The following PADI6 variants were observed in gnomAD, a reference collection of about 807,000 sequenced individuals.
PADI6 encodes inactive protein-arginine deiminase type-6.
Under a neutral mutation model 78.2 loss-of-function variants are expected in PADI6, and 66 were observed. The ratio of observed to expected loss-of-function variants is 0.84; its 90% CI spans 0.69 to 1.04. The LOEUF (loss-of-function observed/expected upper bound fraction) is 1.04. PADI6 is among the 50% of genes least tolerant of loss of function. PADI6 has a pLI of 0.00. For missense variants in PADI6, 854 were observed against 866.1 expected (o/e 0.99, Z 0.18); for synonymous variants, 397 against 346.9 (o/e 1.14, Z -1.60).
In PADI6 at chr1:17,395,193, TTTC is replaced by T. The variant is rs1177023947; in HGVS notation, c.1494+89_1494+91del. 252 of 1,421,164 alleles carry T rather than the reference TTTC, an allele frequency of 1.8e-4. 1 individual carries two copies. The African/African-American group carries it at 4.1e-3, about 23-fold the overall frequency. 88.0% of individuals were successfully genotyped at this position (1,421,164 alleles called of 1,614,324 possible). A position where few individuals can be genotyped will look rare whatever the true frequency, so the allele number is the denominator to read the frequency against. On this transcript the variant is annotated intron_variant, in intron 12 of 15. Coordinates refer to ENST00000619609, the MANE Select transcript of PADI6 (RefSeq NM_207421.4). ...AAGATTCTGGAGAGAAAACTGGCTT[TTTC>T]TTGTTTTTTTTTTTTTTTGTTTGTT...
rs932528252 is a variant in PADI6, at chr1:17,394,461, C to T, written c.1337+7C>T. 7 of 1,611,452 alleles carry T rather than the reference C, an allele frequency of 4.3e-6. No homozygotes were observed. The Admixed American group carries it at 1.0e-4, about 23-fold the overall frequency. ...GCAGCAGCTTTTACCCCAGGTGAGC[C>T]ACAAAGCCAGACGCCTCCAAATGAA... On this transcript the variant is annotated splice_region_variant and intron_variant, in intron 11 of 15. Transcript: ENST00000619609.
Position 17,397,209 on chromosome 1 carries a change from C to T in PADI6, c.1689+68C>T. 5.2e-6 allele frequency: 8 copies of T among 1,552,384 alleles called. 1 individual carries two copies. The South Asian group carries it at 9.1e-5, about 18-fold the overall frequency. ...TGCCGCAGGTCTTGCAGGAAGGTTTCCACCCACCCCTCCTGAGGGGTGAAG... is the reference window on the plus strand; with the variant it reads ...TGCCGCAGGTCTTGCAGGAAGGTTTTCACCCACCCCTCCTGAGGGGTGAAG... On this transcript the variant is annotated intron_variant, in intron 14 of 15. Transcript: ENST00000619609.
chr1:17,388,738 G>GT (rs761472949), intron 7 of PADI6, 39 bp from the exon 8 acceptor site: 1 of 1,587,354 alleles, frequency 6.3e-7, no homozygotes, highest in East Asian at 2.2e-5. Flanking sequence ...GCGAGTAAAT[G>GT]TGGAAGCAGG....
At chr1:17,381,835 TG>T in intron 5 of PADI6, 131 bp from the exon 6 acceptor site, 2 of 1,047,080 alleles carry the variant, frequency 1.9e-6, no homozygotes, top group Admixed American at 2.3e-5. Context: ...TCTTCGGGCC[TG>T]GGCCCTAGCA....
Position 17,373,228 on chromosome 1 carries a change from G to A in PADI6, c.289G>A (p.Asp97Asn). 2.5e-6 allele frequency: 4 copies of A among 1,613,896 alleles called. No individual in the cohort carries two copies. Among genetic ancestry groups the A allele is most frequent in the Non-Finnish European group, 3.4e-6 (4 of 1,179,814 alleles). The change falls in exon 2 of 16, where the codon GAT becomes AAT. Residue 97 changes from aspartate to asparagine, a missense_variant. Asp to Asn is a conservative substitution (Grantham distance 23). Coordinates refer to ENST00000619609, the MANE Select transcript of PADI6 (RefSeq NM_207421.4). ...MTSPSPSVDA[D>N]KVSVTYYGPN... is the part of the protein sequence containing the mutation. ...ATCGCCCAGCCCTTCCGTGGATGCG[G>A]ATAAGGTAAGCCTCAGGGGAAGAGG...
At chr1:17,401,129 CAG>C (rs2075297382) in intron 15 of PADI6, 74 bp from the exon 16 acceptor site, 2 of 1,400,592 alleles carry the variant, frequency 1.4e-6, no homozygotes, top group Non-Finnish European at 9.9e-7. Flanking sequence ...GGTCTGACCG[CAG>C]AGAGGCAGGT....
Position 17,398,836 on chromosome 1 carries a change from T to C in PADI6, c.1840T>C (p.Phe614Leu). 2 of 1,612,360 alleles carry C rather than the reference T, an allele frequency of 1.2e-6. No individual in the cohort carries two copies. The highest frequency in any genetic ancestry group is 2.2e-5 in the East Asian group (1 of 44,772). Residue 614 changes from phenylalanine to leucine, a missense_variant, in exon 15 of 16, where the codon TTC becomes CTC. Transcript: ENST00000619609. ...QPKRSFARPY[F>L]PDLLRMIVMG... ...CAAGAGGTCCTTTGCGAGGCCATAC[T>C]TCCCTGACCTGGTGAGGGGCGACTG...
chr1:17,386,009 AG>A (rs996210742), intron 6 of PADI6, among the ~76,000 whole-genome samples: 10 of 152,028 alleles, frequency 6.6e-5, no homozygotes, highest in African/African-American at 2.4e-4. Context: ...CAGACAGTCG[AG>A]GACCCAGCAG....
At chr1:17,401,110 G>A in intron 15 of PADI6, 95 bp from the exon 16 acceptor site, 1 of 1,171,608 alleles carries the variant, frequency 8.5e-7, no homozygotes, top group Middle Eastern at 2.3e-4. Flanking sequence ...CTGCCTGCCT[G>A]CTACGCCTGG....
At position 17,400,285 on chromosome 1, in the gene PADI6, A is replaced by G. The variant is rs571546748; in HGVS notation, c.1852-920A>G. ...TCCCAGCACTTTGGGAGGCCCAGGC[A>G]GGCAGATCACTTGAGGTCAGGACTG... is the stretch of plus-strand genomic sequence containing the variant. On this transcript the variant is annotated intron_variant, in intron 15 of 15. Transcript: ENST00000619609. Among the ~76,000 whole-genome samples, 5 of 151,986 alleles carry G rather than the reference A, an allele frequency of 3.3e-5. No homozygotes were observed. The East Asian group carries it at 9.7e-4, about 30-fold the overall frequency.
chr1:17,379,111 A>ATTTTTTTTTTTTTTTTTTTTCT (rs2075047302), intron 3 of PADI6, among the ~76,000 whole-genome samples: 1 of 100,846 alleles, frequency 9.9e-6, no homozygotes, highest in African/African-American at 5.8e-5. Context: ...TGCCCAGTTA[A>ATTTTTTTTTTTTTTTTTTTTCT]TTTTTTTTTT....
Position 17,388,408 on chromosome 1 carries a change from T to A in PADI6, c.707T>A (p.Val236Glu), listed in dbSNP as rs754433456. The part of the protein sequence containing the change: ...QKDNSSTFEL[V>E]LGPDQHAYTL... ...GACAACTCCAGTACCTTTGAGTTGG[T>A]GCTGGGGCCCGACCAGCACGCCTAT... is the stretch of plus-strand genomic sequence containing the variant. Residue 236 changes from valine (V) to glutamate (E), a missense_variant, in exon 7 of 16, where the codon GTG (valine) becomes GAG (glutamate). By Grantham distance (121) the Val-to-Glu change is moderately radical. Transcript: ENST00000619609. 6.2e-7 allele frequency: 1 copy of A among 1,613,376 alleles called. No homozygotes were observed. Among genetic ancestry groups the A allele is most frequent in the Non-Finnish European group, 8.5e-7 (1 of 1,179,638 alleles).
At chr1:17,398,562 G>A (rs976585512) in intron 14 of PADI6, 124 bp from the exon 15 acceptor site, 5 of 620,640 alleles carry the variant, frequency 8.1e-6, no homozygotes, top group African/African-American at 7.4e-5. Context: ...CACACAGCAA[G>A]TGATGGGGAT....
rs376033999 is a variant in PADI6 at position 17,401,097 on chromosome 1, C to T, written c.1852-108C>T. 6.3e-5 allele frequency: 60 copies of T among 953,228 alleles called. No individual in the cohort carries two copies. In the Middle Eastern group the frequency reaches 1.1e-3, roughly 17 times the overall value. The allele number at this position is 953,228 out of a possible 1,614,324, so 59.0% of individuals were successfully genotyped here. On this transcript the variant is annotated intron_variant, in intron 15 of 15. Transcript: ENST00000619609. ...CTGGGTTTCACTGACCTGGAGGAGGCGGCTGCCTGCCTGCTACGCCTGGTC... is the reference window on the plus strand; with the variant it reads ...CTGGGTTTCACTGACCTGGAGGAGGTGGCTGCCTGCCTGCTACGCCTGGTC...
At chr1:17,400,556 T>G (rs1376531073) in intron 15 of PADI6, among the ~76,000 whole-genome samples, 2 of 152,200 alleles carry the variant, frequency 1.3e-5, no homozygotes, top group African/African-American at 4.8e-5. Context: ...CTACTTATTC[T>G]AAACCAGAAG....
chr1:17,376,515 A>AT (rs35288737), intron 3 of PADI6, among the ~76,000 whole-genome samples: 6,885 of 149,026 alleles, frequency 0.046, 347 homozygotes, highest in African/African-American at 0.12. Flanking sequence ...TAGTGGGCTA[A>AT]TTTTTTTTAT....
chr1:17,372,412 C>A, intron 1 of PADI6, 51 bp downstream of exon 1: 3 of 1,532,804 alleles, frequency 2.0e-6, no homozygotes, highest in Admixed American at 1.7e-5. Context: ...GGCAGGCAGG[C>A]CTGGGACCCA....
chr1:17,401,126 C>T (rs1300038837), intron 15 of PADI6, 79 bp from the exon 16 acceptor site: 3 of 1,373,202 alleles, frequency 2.2e-6, no homozygotes, highest in East Asian at 4.6e-5. Context: ...CCTGGTCTGA[C>T]CGCAGAGAGG....
chr1:17,395,920 C>A (rs1458531319), intron 13 of PADI6, among the ~76,000 whole-genome samples: 2 of 152,152 alleles, frequency 1.3e-5, no homozygotes, highest in Non-Finnish European at 2.9e-5. Flanking sequence ...TAGGTGGCCC[C>A]AAGTGGGGGG....
Sources: gnomAD v4.1 joint callset for allele counts (sites outside exome capture counted in the v4.1 genomes callset) on GRCh38, gnomAD v4.1.1 for gene constraint, MANE v1.5 for transcripts, NCBI Gene and HGNC (gene_info 2026-07-23, HGNC 2026-07-21) for gene names.